Variants in PCNX2 observed in about 807,000 individuals in gnomAD.
PCNX2 encodes the protein pecanex 2.
PCNX2 carries 168 observed loss-of-function variants against 223.8 expected under a neutral mutation model. The ratio of observed to expected loss-of-function variants is 0.75; its 90% CI spans 0.66 to 0.85. The LOEUF (loss-of-function observed/expected upper bound fraction) is 0.85. PCNX2 is among the 40% of genes least tolerant of loss of function. PCNX2 has a pLI of 0.00. For synonymous variants in PCNX2, 1,006 were observed against 1,052.6 expected, an observed-to-expected ratio of 0.96 and a Z score of 0.86; for missense variants, 2,507 against 2,675.5, an observed-to-expected ratio of 0.94 and a Z score of 1.39.
chr1:233,114,968 G>T (rs1258908200), intron 21 of PCNX2, among the ~76,000 whole-genome samples: 2 of 152,076 alleles, frequency 1.3e-5, no homozygotes, highest in African/African-American at 4.8e-5. Context: ...AGGTGGGGAA[G>T]ATTAAACAAT....
chr1:233,213,816 C>CTTTTTTTT (rs71173256), intron 12 of PCNX2, among the ~76,000 whole-genome samples: 2 of 65,226 alleles, frequency 3.1e-5, no homozygotes, highest in Non-Finnish European at 5.6e-5. Context: ...CCAGTGCACT[C>CTTTTTTTT]TTTTTTTTTT....
intron 12 of PCNX2, among the ~76,000 whole-genome samples, 179 bp from the exon 13 acceptor site, chr1:233,208,868 GAA>G (rs895824402): frequency 3.7e-5 from 2 of 54,666 alleles, no homozygotes; most frequent in Non-Finnish European, 8.2e-5. Context: ...AAAAAGAAAA[GAA>G]AAAAAAAGTC....
At chr1:233,095,979 T>C (rs993819869) in intron 21 of PCNX2, 116 bp from the exon 22 acceptor site, 15 of 686,376 alleles carry the variant, frequency 2.2e-5, no homozygotes, top group African/African-American at 5.4e-5. Flanking sequence ...AACTACTCTC[T>C]GCCCTCTTAC....
intron 1 of PCNX2, among the ~76,000 whole-genome samples, chr1:233,278,710 T>C (rs964044886): frequency 6.6e-6 from 1 of 152,196 alleles, no homozygotes; most frequent in Non-Finnish European, 1.5e-5. Flanking sequence ...CCCTCCACTC[T>C]GTCCCATGCC....
At chr1:233,289,588 C>T (rs1661644121) in intron 1 of PCNX2, 2 of 601,026 alleles carry the variant, frequency 3.3e-6, no homozygotes, top group Admixed American at 5.9e-5. Flanking sequence ...GGAAGCCAGA[C>T]ATTCAGGTAA....
At position 232,990,978 on chromosome 1, in the gene PCNX2, G is replaced by A. The variant is rs1238395486; in HGVS notation, c.5792-4438C>T. 2.6e-5 allele frequency among the ~76,000 whole-genome samples: 4 copies of A among 152,238 alleles called. No homozygotes were observed. Among genetic ancestry groups the A allele is most frequent in the Non-Finnish European group, 4.4e-5 (3 of 68,042 alleles). Reference sequence around the variant, plus strand: ...TGTGGGGAGAGTGGGGAAGAGGGTGGTGTGGTCTTCACATGTGCTCCTGTC... The same window carrying A: ...TGTGGGGAGAGTGGGGAAGAGGGTGATGTGGTCTTCACATGTGCTCCTGTC... On this transcript the variant is annotated intron_variant, in intron 32 of 33. Transcript: ENST00000258229. This position sits in a 1 kb window ranked among gnomAD's most constrained non-coding sequence, Gnocchi z 4.3.
chr1:233,314,816 C>A, the PCNX2 span, among the ~76,000 whole-genome samples: 4 of 152,062 alleles, frequency 2.6e-5, no homozygotes, highest in Non-Finnish European at 5.9e-5. Flanking sequence ...TAAGGAAATA[C>A]CCCTGAAAGG....
chr1:233,177,397 G>T (rs138051247), intron 17 of PCNX2, among the ~76,000 whole-genome samples: 13 of 152,204 alleles, frequency 8.5e-5, no homozygotes, highest in African/African-American at 2.2e-4. Flanking sequence ...CTAGCCAATC[G>T]GGACAAATAT....
intron 23 of PCNX2, among the ~76,000 whole-genome samples, chr1:233,066,351 C>T (rs188316276): frequency 2.1e-4 from 32 of 152,342 alleles, no homozygotes; most frequent in Admixed American, 2.0e-3. Flanking sequence ...GGGCCCAGAC[C>T]TCCAGGCTTC....
At chr1:233,150,964 T>C (rs934509559) in intron 19 of PCNX2, among the ~76,000 whole-genome samples, 2 of 152,184 alleles carry the variant, frequency 1.3e-5, no homozygotes, top group African/African-American at 2.4e-5. Context: ...TCAACATTTT[T>C]ACATGAAGAG....
At chr1:233,240,730 G>C (rs1283651364) in intron 8 of PCNX2, among the ~76,000 whole-genome samples, 1 of 152,114 alleles carries the variant, frequency 6.6e-6, no homozygotes, top group African/African-American at 2.4e-5. Context: ...GACGGGCCTG[G>C]GGCTAGGATC....
At chr1:233,132,088 C>A (rs1676538402) in intron 21 of PCNX2, among the ~76,000 whole-genome samples, 1 of 152,086 alleles carries the variant, frequency 6.6e-6, no homozygotes. Flanking sequence ...AGGCACCCGC[C>A]ACCACGCCCG....
At chr1:233,284,200 G>C (rs891621249) in intron 1 of PCNX2, among the ~76,000 whole-genome samples, 8 of 152,174 alleles carry the variant, frequency 5.3e-5, no homozygotes, top group African/African-American at 1.9e-4. Flanking sequence ...CGATATATTA[G>C]ACAATACCAT....
At chr1:233,164,903 T>C (rs536456849) in intron 17 of PCNX2, among the ~76,000 whole-genome samples, 1 of 151,924 alleles carries the variant, frequency 6.6e-6, no homozygotes, top group Non-Finnish European at 1.5e-5. Flanking sequence ...GGAGGAGAGA[T>C]TGTTCAATGA....
intron 17 of PCNX2, among the ~76,000 whole-genome samples, chr1:233,169,804 C>T (rs76056073): frequency 0.078 from 11,853 of 151,656 alleles, 672 homozygotes; most frequent in East Asian, 0.31. Context: ...GCTATCTGAT[C>T]AAAAATCCTT....
intron 21 of PCNX2, 116 bp downstream of exon 21, chr1:233,134,897 A>G (rs1676717995): frequency 3.3e-6 from 3 of 903,964 alleles, no homozygotes; most frequent in African/African-American, 1.7e-5. Flanking sequence ...GTATAATTCA[A>G]TTTCATATCC....
At chr1:233,195,056 T>C (rs1448460103) in intron 15 of PCNX2, among the ~76,000 whole-genome samples, 2 of 150,020 alleles carry the variant, frequency 1.3e-5, no homozygotes, top group Non-Finnish European at 3.0e-5. Flanking sequence ...AGAAACTTCA[T>C]AGACATCAAA....
chr1:233,025,152 G>A lies in PCNX2; in HGVS notation c.4599C>T (p.Tyr1533=), dbSNP rs914882932. 4.3e-6 allele frequency: 7 copies of A among 1,614,008 alleles called. No homozygotes were observed. Among genetic ancestry groups the A allele is most frequent in the Admixed American group, 1.7e-5 (1 of 60,028 alleles). ...TTGGGAAACAGAGCAATACCTTGAT[G>A]TAGTAGCGGATGAGGATCCTTCGGA... is the stretch of plus-strand genomic sequence containing the variant. ...FDLRRILIRY[Y]IKSIIYYMVT... Residue 1533 remains tyrosine (Y), a synonymous_variant, in exon 26 of 34, where the codon TAC becomes TAT. Transcript: ENST00000258229.
At chr1:233,136,875 G>A (rs1676835190) in intron 20 of PCNX2, among the ~76,000 whole-genome samples, 1 of 152,104 alleles carries the variant, frequency 6.6e-6, no homozygotes, top group Non-Finnish European at 1.5e-5. Flanking sequence ...CTGATTTTCT[G>A]GGTTATTCAG....
Sources: gnomAD v4.1 joint callset for allele counts (sites outside exome capture counted in the v4.1 genomes callset) on GRCh38, gnomAD v4.1.1 for gene constraint, Gnocchi (gnomAD v3.1) non-coding constraint, MANE v1.5 for transcripts, NCBI Gene and HGNC (gene_info 2026-07-23, HGNC 2026-07-21) for gene names.